MCM9: variants seen among roughly 807,000 people sequenced by gnomAD.
MCM9 encodes minichromosome maintenance 9 homologous recombination repair factor.
A neutral mutation model predicts 72.8 loss-of-function variants in MCM9; 55 were observed. That is an observed-to-expected ratio of 0.76 (90% CI 0.61 to 0.95). The LOEUF (loss-of-function observed/expected upper bound fraction) is 0.95. Ranked by LOEUF, MCM9 falls within the 40% of genes least tolerant of loss-of-function variation. The pLI, the probability that MCM9 is intolerant of heterozygous loss-of-function variation, is 0.00. For synonymous variants in MCM9, 480 were observed against 503.4 expected, an observed-to-expected ratio of 0.95 and a Z score of 0.62; for missense variants, 1,279 against 1,377.0, an observed-to-expected ratio of 0.93 and a Z score of 1.13.
chr6:118,846,812 T>A (rs2114645591), intron 9 of MCM9, among the ~76,000 whole-genome samples: 1 of 151,944 alleles, frequency 6.6e-6, no homozygotes, highest in East Asian at 1.9e-4. Context: ...CACCATCACC[T>A]TAATAGAATA....
intron 9 of MCM9, among the ~76,000 whole-genome samples, chr6:118,832,906 T>A (rs180716186): frequency 6.6e-6 from 1 of 152,338 alleles, no homozygotes; most frequent in East Asian, 1.9e-4. Flanking sequence ...TTTCTTTCCA[T>A]CCTGGGAATA....
intron 13 of MCM9, among the ~76,000 whole-genome samples, chr6:118,823,356 G>T (rs1050900226): frequency 2.0e-5 from 3 of 152,128 alleles, no homozygotes; most frequent in African/African-American, 7.2e-5. Flanking sequence ...GAAGTCCTCC[G>T]GGTCCTTGTA....
chr6:118,931,815 A>C, intron 2 of MCM9, 77 bp from the exon 3 acceptor site: 1 of 1,121,480 alleles, frequency 8.9e-7, no homozygotes, highest in Non-Finnish European at 1.2e-6. Flanking sequence ...ACGATTGGTT[A>C]TAAATCACAC....
rs559445349 is a variant in MCM9 at position 118,853,085 on chromosome 6, G to A, written c.1325+3286C>T. Among the ~76,000 whole-genome samples the A allele has an allele frequency of 1.4e-4, 22 of 152,218 alleles. No individual in the cohort carries two copies. In the Middle Eastern group the frequency reaches 0.021, roughly 142 times the overall value. On this transcript the variant is annotated intron_variant, in intron 9 of 13. Transcript: ENST00000619706. ...CTGGGTTGTTTATATAATTTTGGGT[G>A]AATATGAACAAAGCTGCTATAAACC...
At chr6:118,919,832 A>G (rs1426822463) in intron 5 of MCM9, 1 of 152,196 alleles carries the variant, frequency 6.6e-6, no homozygotes, top group Non-Finnish European at 1.5e-5. Context: ...CTCCTGTGGC[A>G]CTGACATTTA....
At chr6:118,878,789 G>C (rs1778098500) in intron 8 of MCM9, among the ~76,000 whole-genome samples, 1 of 152,078 alleles carries the variant, frequency 6.6e-6, no homozygotes, top group Non-Finnish European at 1.5e-5. Context: ...GGGCACAGTG[G>C]CTTACACCTG....
intron 13 of MCM9, among the ~76,000 whole-genome samples, chr6:118,816,690 T>C (rs540379899): frequency 4.6e-5 from 7 of 152,336 alleles, no homozygotes; most frequent in African/African-American, 1.4e-4. Flanking sequence ...CAGTAGCTGA[T>C]TGCTGACCAA....
chr6:118,852,274 A>G (rs904193124), intron 9 of MCM9, among the ~76,000 whole-genome samples: 1 of 152,216 alleles, frequency 6.6e-6, no homozygotes, highest in African/African-American at 2.4e-5. Context: ...ATAACTATAT[A>G]TTACATGTTT....
intron 9 of MCM9, among the ~76,000 whole-genome samples, chr6:118,850,116 ACTT>A (rs757524913): frequency 2.0e-5 from 3 of 151,984 alleles, no homozygotes; most frequent in Non-Finnish European, 2.9e-5. Context: ...TTCAAAGACA[ACTT>A]CTTAACTGTA....
intron 8 of MCM9, among the ~76,000 whole-genome samples, chr6:118,904,099 A>AG (rs1325687482): frequency 7.4e-6 from 1 of 135,436 alleles, no homozygotes; most frequent in East Asian, 2.1e-4. Context: ...ACCAAAGAGA[A>AG]AGAACATATC....
rs1231658546 is a variant in MCM9, at chr6:118,843,718, A to ATGTG, written c.1325+12652_1325+12653insCACA. Among the ~76,000 whole-genome samples, 127 of 75,030 alleles carry ATGTG rather than the reference A, an allele frequency of 1.7e-3. 4 individuals carry two copies. The highest frequency in any genetic ancestry group is 5.7e-3 in the African/African-American group (124 of 21,838). 49.2% of individuals were successfully genotyped at this position (75,030 alleles called of 152,430 possible). A position where few individuals can be genotyped will look rare whatever the true frequency, so the allele number is the denominator to read the frequency against. On this transcript the variant is annotated intron_variant, in intron 9 of 13. Transcript: ENST00000619706. Reference sequence around the variant, plus strand: ...TATATATATATGTATGTATATATATATGTATATATATATATATATATATGA... The same window carrying ATGTG: ...TATATATATATGTATGTATATATATATGTGTGTATATATATATATATATATATGA...
intron 12 of MCM9, among the ~76,000 whole-genome samples, 166 bp from the exon 13 acceptor site, chr6:118,826,458 C>T (rs1774173574): frequency 6.6e-6 from 1 of 152,056 alleles, no homozygotes; most frequent in Non-Finnish European, 1.5e-5. Context: ...GTTCACTCCC[C>T]CAGTTCTTGG....
chr6:118,856,474 C>G lies in MCM9; in HGVS notation c.1222G>C (p.Ala408Pro), dbSNP rs1213745952. 3 of 1,535,580 alleles carry G rather than the reference C, an allele frequency of 2.0e-6. No homozygotes were observed. The African/African-American group carries it at 4.1e-5, about 21-fold the overall frequency. ...LEAGALVLAD[A>P]GLCCIDEFNS... ...AACTCATCAATACAGCAAAGGCCCGCATCTGCAAGAACTAATGCCCCAGCC... is the reference window on the plus strand; with the variant it reads ...AACTCATCAATACAGCAAAGGCCCGGATCTGCAAGAACTAATGCCCCAGCC... The change falls in exon 9 of 14, where the codon GCG becomes CCG. Residue 408 changes from alanine (A) to proline (P), a missense_variant. Transcript: ENST00000619706.
intron 9 of MCM9, among the ~76,000 whole-genome samples, chr6:118,843,720 GTA>G (rs375762540): frequency 0.017 from 1,774 of 101,958 alleles, 47 homozygotes; most frequent in Middle Eastern, 0.065. Context: ...ATATATATAT[GTA>G]TATATATATA....
chr6:118,906,090 T>G (rs919339587), intron 8 of MCM9, among the ~76,000 whole-genome samples: 1 of 152,152 alleles, frequency 6.6e-6, no homozygotes, highest in Non-Finnish European at 1.5e-5. Context: ...CTTTTTTTTC[T>G]GAGATGGTTT....
chr6:118,896,559 A>T (rs115839829), intron 8 of MCM9, among the ~76,000 whole-genome samples: 1,582 of 152,242 alleles, frequency 0.01, 30 homozygotes, highest in African/African-American at 0.036. Flanking sequence ...CACATCAGGG[A>T]TTTACAGTAC....
In MCM9 at chr6:118,933,504, CAA is replaced by C. The variant is rs201751510; in HGVS notation, c.-149-766_-149-765del. On this transcript the variant is annotated intron_variant, in intron 1 of 13. Transcript: ENST00000619706. ...CCGGGCACAGAGCGAGACTCCGCCTCAAAAAAAAAAAAAAAGAGAGAAACACT... is the reference window on the plus strand; with the variant it reads ...CCGGGCACAGAGCGAGACTCCGCCTCAAAAAAAAAAAAAGAGAGAAACACT... Among the ~76,000 whole-genome samples, 329 of 130,880 alleles carry C rather than the reference CAA, an allele frequency of 2.5e-3. 1 individual carries two copies. Among genetic ancestry groups the C allele is most frequent in the African/African-American group, 5.0e-3 (171 of 33,888 alleles). The allele number at this position is 130,880 out of a possible 152,430, so 85.9% of individuals were successfully genotyped here.
At position 118,845,151 on chromosome 6, in the gene MCM9, G is replaced by T. The variant is rs971392397; in HGVS notation, c.1325+11220C>A. On this transcript the variant is annotated intron_variant, in intron 9 of 13. Coordinates refer to ENST00000619706, the MANE Select transcript of MCM9 (RefSeq NM_017696.3). ...ACAGGAAGGAGAACTCATCTACTAAGAACAGCTGAATAAGCCTAAAAGACC... is the reference window on the plus strand; with the variant it reads ...ACAGGAAGGAGAACTCATCTACTAATAACAGCTGAATAAGCCTAAAAGACC... Among the ~76,000 whole-genome samples, 11 of 151,738 alleles carry T rather than the reference G, an allele frequency of 7.2e-5. 1 individual carries two copies. Among genetic ancestry groups the T allele is most frequent in the African/African-American group, 2.2e-4 (9 of 41,072 alleles).
At chr6:118,864,007 T>TAA (rs538132338) in intron 8 of MCM9, among the ~76,000 whole-genome samples, 9 of 143,866 alleles carry the variant, frequency 6.3e-5, no homozygotes, top group African/African-American at 2.0e-4. Context: ...AGAATTGATT[T>TAA]AAAAAAAAAA....
Sources: gnomAD v4.1 joint callset for allele counts (sites outside exome capture counted in the v4.1 genomes callset) on GRCh38, gnomAD v4.1.1 for gene constraint, MANE v1.5 for transcripts, NCBI Gene and HGNC (gene_info 2026-07-23, HGNC 2026-07-21) for gene names.